The following NEB variants were observed in gnomAD, a reference collection of about 807,000 sequenced individuals.
NEB encodes the protein nemaline myopathy type 2.
In NEB, 512 loss-of-function variants were observed where a neutral mutation model predicts 952.2. That is an observed-to-expected ratio of 0.54 (90% confidence interval 0.50 to 0.58). The LOEUF (loss-of-function observed/expected upper bound fraction) is 0.58, where lower values mean the gene tolerates loss of function less well. Among genes scored for constraint, NEB ranks in the 20% least tolerant of loss-of-function variants. The pLI is 0.00. For synonymous variants in NEB, 2,900 were observed against 3,149.8 expected (o/e 0.92, Z 2.66); for missense variants, 8,428 against 9,231.1 (o/e 0.91, Z 3.56).
At chr2:151,634,184 G>A (rs993612118) in intron 64 of NEB, among the ~76,000 whole-genome samples, 3 of 152,124 alleles carry the variant, frequency 2.0e-5, no homozygotes, top group Non-Finnish European at 4.4e-5. Context: ...CCTACAGCCT[G>A]GTACTAAGGG....
chr2:151,702,682 T>C (rs1166848356), intron 13 of NEB, among the ~76,000 whole-genome samples: 1 of 151,938 alleles, frequency 6.6e-6, no homozygotes, highest in African/African-American at 2.4e-5. Flanking sequence ...GAGACTAGGA[T>C]TGCAACCCCT....
chr2:151,530,137 A>T (rs2089818785), intron 145 of NEB, among the ~76,000 whole-genome samples: 1 of 152,246 alleles, frequency 6.6e-6, no homozygotes, highest in Admixed American at 6.5e-5. Flanking sequence ...AGTGTCAGGC[A>T]CATAGACAAT....
chr2:151,646,173 G>C lies in NEB; in HGVS notation c.7493C>G (p.Pro2498Arg). The C allele has an allele frequency of 1.2e-6, 2 of 1,604,670 alleles. No homozygotes were observed. The highest frequency in any genetic ancestry group is 1.7e-6 in the Non-Finnish European group (2 of 1,175,172). The change falls in exon 55 of 182, where the codon CCT becomes CGT. Residue 2498 changes from proline (P) to arginine (R), a missense_variant. By Grantham distance (103) the Pro-to-Arg change is moderately radical. Around this residue, in one of 11 missense-constraint regions of NEB, gnomAD observed 1,772 missense variants for 1,960.3 expected, o/e 0.90. Coordinates refer to ENST00000397345, the MANE Select transcript of NEB (RefSeq NM_001164508.2). ...KTQIHIMPDT[P>R]DIVLAKANLI... ...GTTTGCTTTAGCCAGAACAATGTCAGGTGTATCAGGCATGATGTGGATCTG... is the reference window on the plus strand; with the variant it reads ...GTTTGCTTTAGCCAGAACAATGTCACGTGTATCAGGCATGATGTGGATCTG...
intron 173 of NEB, among the ~76,000 whole-genome samples, chr2:151,494,634 T>G (rs117862553): frequency 0.015 from 2,302 of 149,590 alleles, 77 homozygotes; most frequent in East Asian, 0.14. Context: ...CAGCTGTTTG[T>G]TTTTTTTTGT....
chr2:151,704,715 G>T (rs866598071), intron 13 of NEB, among the ~76,000 whole-genome samples: 1 of 152,236 alleles, frequency 6.6e-6, no homozygotes, highest in South Asian at 2.1e-4. Context: ...GCCCTGCTTC[G>T]GCTCACGCAC....
rs567755362 is a variant in NEB at position 151,488,478 on chromosome 2, CAAA to C, written c.25404+1490_25404+1492del. Among the ~76,000 whole-genome samples, 329 of 95,722 alleles carry C rather than the reference CAAA, an allele frequency of 3.4e-3. 7 individuals carry two copies. In the East Asian group the frequency reaches 0.059, roughly 17 times the overall value. The allele number at this position is 95,722 out of a possible 152,430, so 62.8% of individuals were successfully genotyped here. On this transcript the variant is annotated intron_variant, in intron 181 of 181. Transcript: ENST00000397345. ...CCTGGGCAACATAGTGAGCCTCTAC[CAAA>C]AAAAAAAAAAAAAAAATTAGCCTAG...
chr2:151,657,558 T>A (rs2099098825), intron 48 of NEB, among the ~76,000 whole-genome samples: 1 of 152,160 alleles, frequency 6.6e-6, no homozygotes, highest in Non-Finnish European at 1.5e-5. Flanking sequence ...TTTGCAAAAA[T>A]TCCTGATTAT....
At chr2:151,635,630 C>T (rs545777316) in intron 64 of NEB, among the ~76,000 whole-genome samples, 4 of 148,934 alleles carry the variant, frequency 2.7e-5, no homozygotes, top group Non-Finnish European at 5.9e-5. Flanking sequence ...CGCTTGACCC[C>T]AGGGGGCAGA....
rs1188050770 is a variant in NEB, at chr2:151,610,059, T to C, written c.12080A>G (p.Glu4027Gly). Residue 4027 changes from glutamate to glycine, a missense_variant, in exon 81 of 182, where the codon GAA (glutamate) becomes GGA (glycine). Around this residue, in one of 11 missense-constraint regions of NEB, gnomAD observed 337 missense variants for 297.5 expected, o/e 1.13. Transcript: ENST00000397345. Reference protein sequence around the residue: ...KGHHIGAQSIEDDPKIMCAIH... With the variant: ...KGHHIGAQSIGDDPKIMCAIH... ...GGCACACATAATCTTGGGATCATCT[T>C]CAATGCTCTGGGCTCCAATGTGGTG... 2 of 1,613,876 alleles carry C rather than the reference T, an allele frequency of 1.2e-6. No individual in the cohort carries two copies. Among genetic ancestry groups the C allele is most frequent in the Non-Finnish European group, 1.7e-6 (2 of 1,179,846 alleles).
intron 163 of NEB, 125 bp downstream of exon 163, chr2:151,506,784 C>T (rs879652149): frequency 2.3e-4 from 155 of 660,264 alleles, no homozygotes; most frequent in Non-Finnish European, 2.6e-4. Flanking sequence ...TTTAGCAAAT[C>T]ACTGCTAGTA....
Position 151,549,725 on chromosome 2 carries a change from TG to T in NEB, c.19959del (p.Ser6654AlafsTer27). On this transcript the variant is annotated frameshift_variant, in exon 130 of 182. Coordinates refer to ENST00000397345, the MANE Select transcript of NEB (RefSeq NM_001164508.2). LOFTEE classifies it high-confidence loss of function. ...YKLQSSNLYKTSLRTLPTGYR... is the reference protein window; with the variant it reads ...YKLQSSNLYKXSLRTLPTGYR... ...TATCCAGTGGGCAGGGTGCGCAGGC[TG>T]GTTTTGTATAGATTCTGCAGGAATG... The T allele has an allele frequency of 1.3e-6, 2 of 1,584,796 alleles. No individual in the cohort carries two copies. Among genetic ancestry groups the T allele is most frequent in the Non-Finnish European group, 8.6e-7 (1 of 1,163,954 alleles).
At chr2:151,627,331 G>T in intron 69 of NEB, 126 bp from the exon 70 acceptor site, 1 of 1,363,584 alleles carries the variant, frequency 7.3e-7, no homozygotes, top group Non-Finnish European at 9.9e-7. Flanking sequence ...ATATATGAAG[G>T]CCAAATTGAA....
rs1289511955 is a variant in NEB, at chr2:151,526,947, C to T, written c.21916G>A (p.Ala7306Thr). 21 of 1,601,060 alleles carry T rather than the reference C, an allele frequency of 1.3e-5. No homozygotes were observed. The highest frequency in any genetic ancestry group is 4.5e-5 in the East Asian group (2 of 44,598). The change falls in exon 148 of 182, where the codon GCC (alanine) becomes ACC (threonine). Residue 7306 changes from alanine to threonine, a missense_variant. Coordinates refer to ENST00000397345, the MANE Select transcript of NEB (RefSeq NM_001164508.2). ...SVTDDKNTVLALRNTLIESDL... is the reference protein window; with the variant it reads ...SVTDDKNTVLTLRNTLIESDL... ...CTTTCTATTAAAGTATTCCTGAGGGCGAGCACCGTGTTTTTGTCATCAGTG... is the reference window on the plus strand; with the variant it reads ...CTTTCTATTAAAGTATTCCTGAGGGTGAGCACCGTGTTTTTGTCATCAGTG...
At chr2:151,625,370 C>T (rs989403955) in intron 71 of NEB, among the ~76,000 whole-genome samples, 164 bp downstream of exon 71, 7 of 152,032 alleles carry the variant, frequency 4.6e-5, no homozygotes, top group African/African-American at 1.7e-4. Context: ...TTTCTATCTG[C>T]CTATTTTTTA....
chr2:151,713,666 T>C (rs2099751449), intron 10 of NEB, among the ~76,000 whole-genome samples: 1 of 152,166 alleles, frequency 6.6e-6, no homozygotes, highest in South Asian at 2.1e-4. Flanking sequence ...CTTTCCAGTG[T>C]CGCATTCAGG....
intron 13 of NEB, among the ~76,000 whole-genome samples, chr2:151,702,662 T>C (rs1186701482): frequency 1.3e-5 from 2 of 152,016 alleles, no homozygotes; most frequent in South Asian, 4.2e-4. Flanking sequence ...GTTTAAAGTC[T>C]GTTTTATCAG....
intron 167 of NEB, among the ~76,000 whole-genome samples, chr2:151,502,355 A>G (rs1035639347): frequency 1.5e-4 from 22 of 150,818 alleles, no homozygotes; most frequent in Admixed American, 1.3e-3. Flanking sequence ...GTACCTCCCA[A>G]ACTTATGGAA....
Position 151,678,111 on chromosome 2 carries a change from AG to A in NEB, c.3331del (p.Leu1111TrpfsTer5). On this transcript the variant is annotated frameshift_variant, in exon 33 of 182. Transcript: ENST00000397345. LOFTEE classifies it high-confidence loss of function. The part of the protein sequence containing the change: ...GFQSLQDDPK[L>X]VHYMNVAKIQ... ...CTTGGCCACGTTCATATAATGAACC[AG>A]TTTAGGGTCATCTTGAAGACTTTGG... The A allele has an allele frequency of 6.2e-7, 1 of 1,612,970 alleles. No individual in the cohort carries two copies. Among genetic ancestry groups the A allele is most frequent in the Non-Finnish European group, 8.5e-7 (1 of 1,178,968 alleles).
intron 27 of NEB, 78 bp downstream of exon 27, chr2:151,687,341 C>A: frequency 7.9e-7 from 1 of 1,257,916 alleles, no homozygotes; most frequent in Non-Finnish European, 1.1e-6. Context: ...TCATGAAATT[C>A]TTTTCCACAC....
Sources: allele counts gnomAD v4.1 joint callset (sites outside exome capture counted in the v4.1 genomes callset), GRCh38; gene constraint gnomAD v4.1.1; regional missense constraint gnomAD v4.1.1; transcripts MANE v1.5; gene names NCBI Gene and HGNC (gene_info 2026-07-23, HGNC 2026-07-21).